The following HEATR5B variants were observed in gnomAD, a reference collection of about 807,000 sequenced individuals.
The protein encoded by HEATR5B is HEAT repeat-containing protein 5B.
HEATR5B carries 156 observed loss-of-function variants against 224.1 expected under a neutral mutation model. That is an observed-to-expected ratio of 0.70 (90% CI 0.61 to 0.80). HEATR5B has a LOEUF of 0.80. Ranked by LOEUF, HEATR5B falls within the 30% of genes least tolerant of loss-of-function variation. The probability of loss-of-function intolerance (pLI) is 0.00; values close to 1 mark genes in which losing one functional copy is unlikely to be tolerated. For missense variants in HEATR5B, 2,323 were observed against 2,535.5 expected, an observed-to-expected ratio of 0.92 and a Z score of 1.80; for synonymous variants, 1,027 against 893.0, an observed-to-expected ratio of 1.15 and a Z score of -2.68.
chr2:37,009,585 GA>G (rs371452433), intron 27 of HEATR5B, among the ~76,000 whole-genome samples: 2,718 of 145,542 alleles, frequency 0.019, 91 homozygotes, highest in African/African-American at 0.064. Flanking sequence ...CTCAAAAAAA[GA>G]AAAAAAAAAG....
rs1024204513 is a variant in HEATR5B, at chr2:36,990,755, T to C, written c.5590A>G (p.Ile1864Val). The change falls in exon 34 of 36, where the codon ATT (isoleucine) becomes GTT (valine). Residue 1864 changes from isoleucine to valine, a missense_variant. Ile to Val is a conservative substitution (Grantham distance 29, BLOSUM62 3). Coordinates refer to ENST00000233099, the MANE Select transcript of HEATR5B (RefSeq NM_019024.3). ...CTAGCAGACCACAGGAAGAGTGCAA[T>C]TGCTGTTAGCATGCTTACTTCATCA... Reference protein sequence around the residue: ...TPDEVSMLTAIALFLWSASNE... With the variant: ...TPDEVSMLTAVALFLWSASNE... 6.2e-7 allele frequency: 1 copy of C among 1,611,668 alleles called. No individual in the cohort carries two copies. The highest frequency in any genetic ancestry group is 8.5e-7 in the Non-Finnish European group (1 of 1,178,472).
intron 21 of HEATR5B, 39 bp downstream of exon 21, chr2:37,037,816 C>A: frequency 1.5e-6 from 2 of 1,368,536 alleles, no homozygotes. Flanking sequence ...AAATAAAATA[C>A]AACTTAAAAA....
In HEATR5B at chr2:37,028,202, C is replaced by T. The variant is rs767392363; in HGVS notation, c.3602-28G>A. 3 of 1,483,376 alleles carry T rather than the reference C, an allele frequency of 2.0e-6. No individual in the cohort carries two copies. In the South Asian group the frequency reaches 4.0e-5, roughly 20 times the overall value. 91.9% of individuals were successfully genotyped at this position (1,483,376 alleles called of 1,614,324 possible). A position where few individuals can be genotyped will look rare whatever the true frequency, so the allele number is the denominator to read the frequency against. Reference sequence around the variant, plus strand: ...ATAACAAGAATAAGGAATATTGTAACAATCTCACATAAGCAAAAATGATCC... The same window carrying T: ...ATAACAAGAATAAGGAATATTGTAATAATCTCACATAAGCAAAAATGATCC... On this transcript the variant is annotated intron_variant, in intron 23 of 35. Coordinates refer to ENST00000233099, the MANE Select transcript of HEATR5B (RefSeq NM_019024.3).
At chr2:37,064,671 CA>C (rs1249610158) in intron 10 of HEATR5B, 68 bp downstream of exon 10, 3 of 1,529,724 alleles carry the variant, frequency 2.0e-6, no homozygotes, top group Non-Finnish European at 2.7e-6. Context: ...CAACACTAAA[CA>C]CAGCAGCGTT....
rs1185704844 is a variant in HEATR5B at position 37,059,453 on chromosome 2, T to C, written c.1850-466A>G. 2.9e-5 allele frequency among the ~76,000 whole-genome samples: 3 copies of C among 103,394 alleles called. No individual in the cohort carries two copies. In the East Asian group the frequency reaches 8.9e-4, roughly 31 times the overall value. The allele number at this position is 103,394 out of a possible 152,430, so 67.8% of individuals were successfully genotyped here. A position where few individuals can be genotyped will look rare whatever the true frequency, so the allele number is the denominator to read the frequency against. ...GTGTGTGTGTGTGTGTGTGTATATA[T>C]ATATATATATATTTTTTTTTTTTTT... On this transcript the variant is annotated intron_variant, in intron 12 of 35. Coordinates refer to ENST00000233099, the MANE Select transcript of HEATR5B (RefSeq NM_019024.3).
intron 34 of HEATR5B, 82 bp downstream of exon 34, chr2:36,990,566 T>A: frequency 8.0e-7 from 1 of 1,243,092 alleles, no homozygotes; most frequent in Non-Finnish European, 1.1e-6. Flanking sequence ...TCATTATGTA[T>A]CACATATTTT....
At chr2:37,058,322 T>C in intron 14 of HEATR5B, 129 bp downstream of exon 14, 1 of 616,550 alleles carries the variant, frequency 1.6e-6, no homozygotes, top group Non-Finnish European at 2.9e-6. Context: ...CTACTCTACA[T>C]GAAGAAAAAT....
chr2:36,984,215 A>AAAAAAAAAAAATATAT, intron 35 of HEATR5B, among the ~76,000 whole-genome samples: 60 of 77,620 alleles, frequency 7.7e-4, no homozygotes, highest in African/African-American at 3.2e-3. Flanking sequence ...AAAAAAAAAA[A>AAAAAAAAAAAATATAT]ATATATATAT....
intron 12 of HEATR5B, among the ~76,000 whole-genome samples, 157 bp downstream of exon 12, chr2:37,060,424 A>T (rs1433287288): frequency 1.3e-5 from 2 of 152,186 alleles, no homozygotes; most frequent in African/African-American, 4.8e-5. Context: ...AGCAAACTGA[A>T]GTGGATCATT....
chr2:37,040,557 A>C (rs775535782), intron 19 of HEATR5B, 39 bp from the exon 20 acceptor site: 4 of 1,456,024 alleles, frequency 2.7e-6, no homozygotes, highest in Non-Finnish European at 9.4e-7. Flanking sequence ...TGTAAGGAAG[A>C]ATTCGAATGT....
Position 37,027,832 on chromosome 2 carries a change from G to A in HEATR5B, c.3853+91C>T, listed in dbSNP as rs1221641767. 7 of 1,309,588 alleles carry A rather than the reference G, an allele frequency of 5.3e-6. No homozygotes were observed. The Admixed American group carries it at 6.0e-5, about 11-fold the overall frequency. The allele number at this position is 1,309,588 out of a possible 1,614,324, so 81.1% of individuals were successfully genotyped here. ...AAATAAATGGCATATTCTAAAGCAC[G>A]CTATATCTGTCGCAGTAAAATATCT... On this transcript the variant is annotated intron_variant, in intron 24 of 35. Transcript: ENST00000233099.
In HEATR5B at chr2:37,020,842, A is replaced by T. The variant is rs768383394; in HGVS notation, c.3854-6T>A. On this transcript the variant is annotated splice_polypyrimidine_tract_variant and splice_region_variant and intron_variant, in intron 24 of 35. Transcript: ENST00000233099. ...ATGAAGTACCAAGAGGTCATCTAAA[A>T]ATAAAAATAGAATGCAAAAATGAAA... The T allele has an allele frequency of 1.4e-6, 2 of 1,471,088 alleles. No homozygotes were observed. Among genetic ancestry groups the T allele is most frequent in the East Asian group, 5.0e-5 (2 of 39,772 alleles). 91.1% of individuals were successfully genotyped at this position (1,471,088 alleles called of 1,614,324 possible).
At position 37,007,253 on chromosome 2, in the gene HEATR5B, C is replaced by T. The variant is rs776114727; in HGVS notation, c.4574G>A (p.Arg1525Gln). 2.6e-5 allele frequency: 42 copies of T among 1,613,330 alleles called. No homozygotes were observed. The highest frequency in any genetic ancestry group is 8.9e-5 in the East Asian group (4 of 44,882). ...ATGGAGAATTGGGGCCCAGGAATTC[C>T]GATAGTGAAGTCTAGCTGTATCAAT... ...ETIDTARLHY[R>Q]NSWAPILHAV... is the part of the protein sequence containing the mutation. Residue 1525 changes from arginine (R) to glutamine (Q), a missense_variant, in exon 29 of 36, where the codon CGG becomes CAG. By Grantham distance (43) the Arg-to-Gln change is conservative. This residue lies in a region of HEATR5B where 844 missense variants were observed against 812.9 expected (regional missense o/e 1.04). Transcript: ENST00000233099.
intron 26 of HEATR5B, among the ~76,000 whole-genome samples, chr2:37,017,555 G>A (rs1668196536): frequency 6.6e-6 from 1 of 151,196 alleles, no homozygotes. Flanking sequence ...GCATGGTGAC[G>A]TACACCTGTA....
At chr2:37,030,150 C>T (rs1337550959) in intron 22 of HEATR5B, among the ~76,000 whole-genome samples, 1 of 151,994 alleles carries the variant, frequency 6.6e-6, no homozygotes, top group Non-Finnish European at 1.5e-5. Context: ...GCCCACTGAA[C>T]CCTGAAGGGA....
At chr2:37,059,791 CAT>C (rs1671166005) in intron 12 of HEATR5B, among the ~76,000 whole-genome samples, 1 of 151,928 alleles carries the variant, frequency 6.6e-6, no homozygotes, top group African/African-American at 2.4e-5. Flanking sequence ...TGAATTTTTA[CAT>C]ATATTTGTGT....
intron 5 of HEATR5B, among the ~76,000 whole-genome samples, chr2:37,074,118 G>A (rs936567719): frequency 2.0e-5 from 3 of 152,030 alleles, no homozygotes; most frequent in South Asian, 2.1e-4. Flanking sequence ...TCAGGAGATC[G>A]AGACCATCCT....
At chr2:36,991,265 G>A (rs987587895) in intron 33 of HEATR5B, among the ~76,000 whole-genome samples, 4 of 151,888 alleles carry the variant, frequency 2.6e-5, no homozygotes, top group Non-Finnish European at 5.9e-5. Context: ...AGTGGCTCAC[G>A]CCTGTAATCC....
intron 30 of HEATR5B, among the ~76,000 whole-genome samples, chr2:37,003,925 T>A (rs913117064): frequency 1.5e-4 from 23 of 152,226 alleles, no homozygotes; most frequent in Non-Finnish European, 1.5e-5. Context: ...TGCTTTATAT[T>A]CAGAGATGAT....
Sources: allele counts gnomAD v4.1 joint callset (sites outside exome capture counted in the v4.1 genomes callset), GRCh38; gene constraint gnomAD v4.1.1; regional missense constraint gnomAD v4.1.1; transcripts MANE v1.5; gene names NCBI Gene and HGNC (gene_info 2026-07-23, HGNC 2026-07-21).